Variants in CAPS2 observed in about 807,000 individuals in gnomAD.
CAPS2 encodes the protein calcyphosin-2.
A neutral mutation model predicts 86.5 loss-of-function variants in CAPS2; 98 were observed. The observed-to-expected ratio is 1.13, with a 90% CI of 0.96 to 1.34. CAPS2 has a LOEUF of 1.34. CAPS2 is among the 40% of genes most tolerant of loss of function. The pLI is 0.00. For synonymous variants in CAPS2, 210 were observed against 225.1 expected, an observed-to-expected ratio of 0.93 and a Z score of 0.60; for missense variants, 729 against 686.8, an observed-to-expected ratio of 1.06 and a Z score of -0.69.
Position 75,297,892 on chromosome 12 carries a change from C to A in CAPS2, c.1044+795G>T, listed in dbSNP as rs368909253. On this transcript the variant is annotated intron_variant, in intron 11 of 16. Coordinates refer to ENST00000393284, the Ensembl canonical transcript of CAPS2. ...CTAACTCCTAGTCAAGGGTAGATGG[C>A]ATTTTCTCTAGGAAGCCTCCTTTGA... Among the ~76,000 whole-genome samples the A allele has an allele frequency of 5.3e-5, 8 of 152,232 alleles. No individual in the cohort carries two copies. In the East Asian group the frequency reaches 1.4e-3, roughly 26 times the overall value.
At chr12:75,378,051 G>A (rs769880353) in intron 1 of CAPS2, among the ~76,000 whole-genome samples, 3 of 151,966 alleles carry the variant, frequency 2.0e-5, no homozygotes, top group Non-Finnish European at 2.9e-5. Flanking sequence ...AGGCTGGAGT[G>A]CAGTGGTGCA....
intron 11 of CAPS2, among the ~76,000 whole-genome samples, chr12:75,293,944 T>A (rs2036449927): frequency 6.6e-6 from 1 of 152,176 alleles, no homozygotes; most frequent in Non-Finnish European, 1.5e-5. Context: ...AATTTTTATT[T>A]TTTTTTGAGA....
At chr12:75,282,168 C>T (rs890834174) in intron 16 of CAPS2, 83 bp downstream of exon 16, 8 of 814,418 alleles carry the variant, frequency 9.8e-6, no homozygotes, top group Non-Finnish European at 1.5e-5. Flanking sequence ...TGGCCTCAGT[C>T]TAAGGTTTAA....
At chr12:75,359,343 C>G (rs1001248733) in intron 1 of CAPS2, among the ~76,000 whole-genome samples, 12 of 134,928 alleles carry the variant, frequency 8.9e-5, no homozygotes, top group African/African-American at 3.3e-4. Flanking sequence ...AGTTAGAAGA[C>G]TCAGCATTGT....
chr12:75,368,862 T>C (rs1236229696), intron 1 of CAPS2, among the ~76,000 whole-genome samples: 1 of 151,966 alleles, frequency 6.6e-6, no homozygotes, highest in Non-Finnish European at 1.5e-5. Context: ...ACTAATTTTT[T>C]TCATCATTAT....
chr12:75,279,997 C>T (rs2033633910), intron 16 of CAPS2, among the ~76,000 whole-genome samples: 1 of 151,742 alleles, frequency 6.6e-6, no homozygotes, highest in Non-Finnish European at 1.5e-5. Flanking sequence ...CCTTTATACC[C>T]CTCACCCAGG....
intron 1 of CAPS2, among the ~76,000 whole-genome samples, chr12:75,359,034 G>A (rs989876392): frequency 1.4e-4 from 21 of 150,038 alleles, no homozygotes; most frequent in African/African-American, 5.1e-4. Context: ...GGGCCACACT[G>A]TGCTGATTGC....
At position 75,291,831 on chromosome 12, in the gene CAPS2, C is replaced by A; in HGVS notation, c.1164-11G>T. On this transcript the variant is annotated splice_polypyrimidine_tract_variant and intron_variant, in intron 12 of 16. Transcript: ENST00000393284. ...TCCATAGAAGCAGTTCTGCAATTGA[C>A]ATGTTCACAGGGATGAAATATATAT... The A allele has an allele frequency of 6.9e-7, 1 of 1,440,052 alleles. No individual in the cohort carries two copies. The highest frequency in any genetic ancestry group is 1.4e-5 in the African/African-American group (1 of 70,912). The allele number at this position is 1,440,052 out of a possible 1,614,324, so 89.2% of individuals were successfully genotyped here. A position where few individuals can be genotyped will look rare whatever the true frequency, so the allele number is the denominator to read the frequency against.
intron 1 of CAPS2, among the ~76,000 whole-genome samples, chr12:75,344,238 G>A (rs1366435069): frequency 6.6e-6 from 1 of 152,078 alleles, no homozygotes; most frequent in Non-Finnish European, 1.5e-5. Flanking sequence ...TTCCCTGGAA[G>A]TGGGAAGTTC....
chr12:75,382,482 A>G (rs1226202380), intron 1 of CAPS2, among the ~76,000 whole-genome samples: 5 of 152,106 alleles, frequency 3.3e-5, no homozygotes, highest in Admixed American at 3.3e-4. Context: ...TCTACTAAAA[A>G]TACAAAAATT....
At chr12:75,352,033 T>A (rs1163458959) in intron 1 of CAPS2, among the ~76,000 whole-genome samples, 2 of 152,180 alleles carry the variant, frequency 1.3e-5, no homozygotes, top group Non-Finnish European at 2.9e-5. Flanking sequence ...GAAAAATGGT[T>A]ACCAGTCACT....
chr12:75,337,833 T>TA (rs2041841331), intron 1 of CAPS2, among the ~76,000 whole-genome samples: 1 of 152,054 alleles, frequency 6.6e-6, no homozygotes. Flanking sequence ...ATTTTTCGAC[T>TA]ATTGTCTTCT....
intron 16 of CAPS2, 27 bp downstream of exon 16, chr12:75,282,224 C>T (rs764688065): frequency 3.1e-5 from 36 of 1,148,414 alleles, no homozygotes; most frequent in Non-Finnish European, 4.5e-5. Context: ...TTTCAAAGTC[C>T]AATGCATTTT....
intron 1 of CAPS2, among the ~76,000 whole-genome samples, chr12:75,361,899 A>T (rs1382751011): frequency 1.3e-5 from 2 of 152,158 alleles, no homozygotes; most frequent in Admixed American, 1.3e-4. Context: ...ATATCAATAG[A>T]CCTAAATGTA....
intron 1 of CAPS2, among the ~76,000 whole-genome samples, chr12:75,348,310 A>T (rs2042585371): frequency 1.3e-5 from 2 of 152,220 alleles, no homozygotes; most frequent in African/African-American, 2.4e-5. Context: ...AGTAGAAAAG[A>T]TAAAAACAAA....
chr12:75,323,150 T>C (rs1223715894), intron 3 of CAPS2, 27 bp downstream of exon 4: 1 of 1,504,106 alleles, frequency 6.6e-7, no homozygotes, highest in Non-Finnish European at 9.0e-7. Context: ...TTAATGTTTA[T>C]TATATTAAAT....
At chr12:75,305,823 T>G in intron 7 of CAPS2, 2 of 743,980 alleles carry the variant, frequency 2.7e-6, no homozygotes, top group Non-Finnish European at 5.0e-6. Flanking sequence ...AGGGGCATAT[T>G]CAGGCTCACC....
intron 11 of CAPS2, 176 bp downstream of exon 11, chr12:75,298,511 G>A: frequency 1.9e-6 from 1 of 530,660 alleles, no homozygotes; most frequent in Non-Finnish European, 3.4e-6. Flanking sequence ...GAGATTTGGG[G>A]CTGGGAAGCA....
chr12:75,374,214 A>T (rs2044527501), intron 1 of CAPS2, among the ~76,000 whole-genome samples: 1 of 152,210 alleles, frequency 6.6e-6, no homozygotes, highest in Non-Finnish European at 1.5e-5. Flanking sequence ...ATGGCAGAGA[A>T]GCTTGCACAG....
Sources: gnomAD v4.1 joint callset for allele counts (sites outside exome capture counted in the v4.1 genomes callset) on GRCh38, gnomAD v4.1.1 for gene constraint, MANE v1.5 for transcripts, NCBI Gene and HGNC (gene_info 2026-07-23, HGNC 2026-07-21) for gene names.